Variants in OSBPL5 observed in about 807,000 individuals in gnomAD.
OSBPL5 encodes the protein oxysterol binding protein like 5, also known as oxysterol-binding protein-related protein 5.
In OSBPL5, 71 loss-of-function variants were observed where a neutral mutation model predicts 111.2. The observed-to-expected ratio is 0.64, with a 90% CI of 0.53 to 0.78. The LOEUF is 0.78. Among genes scored for constraint, OSBPL5 ranks in the 30% least tolerant of loss-of-function variants. The pLI, the probability that OSBPL5 is intolerant of heterozygous loss-of-function variation, is 0.00. For missense variants in OSBPL5, 1,210 were observed against 1,189.3 expected, an observed-to-expected ratio of 1.02 and a Z score of -0.26; for synonymous variants, 549 against 513.9, an observed-to-expected ratio of 1.07 and a Z score of -0.93.
rs1298457418 is a variant in OSBPL5 at position 3,121,864 on chromosome 11, A to C, written c.402+133T>G. 2 of 749,788 alleles carry C rather than the reference A, an allele frequency of 2.7e-6. No homozygotes were observed. Among genetic ancestry groups the C allele is most frequent in the African/African-American group, 3.5e-5 (2 of 57,834 alleles). The allele number at this position is 749,788 out of a possible 1,614,324, so 46.4% of individuals were successfully genotyped here. ...GAAAGGCCTCATGAGGAAGGAGCAG[A>C]GGCTGCAGTGATAACGGCTAGATGC... On this transcript the variant is annotated intron_variant, in intron 5 of 21. Transcript: ENST00000263650. The surrounding 1 kb of genome is among the most constrained non-coding windows in gnomAD (Gnocchi z 4.3).
At chr11:3,096,710 T>C (rs181112257) in intron 14 of OSBPL5, among the ~76,000 whole-genome samples, 70 of 152,012 alleles carry the variant, frequency 4.6e-4, no homozygotes, top group African/African-American at 1.6e-3. Context: ...TGACATGACA[T>C]GATATTTGGG....
intron 11 of OSBPL5, 103 bp from the exon 12 acceptor site, chr11:3,102,384 CGCTGCCT>C: frequency 3.8e-6 from 4 of 1,058,498 alleles, no homozygotes; most frequent in Non-Finnish European, 5.7e-6. Context: ...GTGGGCTACC[CGCTGCCT>C]GCTGGCCTGG....
Position 3,093,745 on chromosome 11 carries a change from C to A in OSBPL5, c.1809+1G>T. The A allele has an allele frequency of 6.2e-7, 1 of 1,613,076 alleles. No individual in the cohort carries two copies. Among genetic ancestry groups the A allele is most frequent in the South Asian group, 1.1e-5 (1 of 91,090 alleles). Reference sequence around the variant, plus strand: ...GCCTGCCCTGAGGGACGGCCCCTTACCCAGTGGCCACTGAGGCTCGCCAGG... The same window carrying A: ...GCCTGCCCTGAGGGACGGCCCCTTAACCAGTGGCCACTGAGGCTCGCCAGG... On this transcript the variant is annotated splice_donor_variant, in intron 16 of 21. Coordinates refer to ENST00000263650, the MANE Select transcript of OSBPL5 (RefSeq NM_020896.4). LOFTEE classifies it high-confidence loss of function.
chr11:3,141,294 C>T lies in OSBPL5; in HGVS notation c.-21-12125G>A, dbSNP rs1354191522. ...ACAGCGTCCTTTGACCAAGCGCCTCCTGCTCACCCGGGAACACACCCTCGG... is the reference window on the plus strand; with the variant it reads ...ACAGCGTCCTTTGACCAAGCGCCTCTTGCTCACCCGGGAACACACCCTCGG... On this transcript the variant is annotated intron_variant, in intron 1 of 21. Coordinates refer to ENST00000263650, the MANE Select transcript of OSBPL5 (RefSeq NM_020896.4). This position sits in a 1 kb window ranked among gnomAD's most constrained non-coding sequence, Gnocchi z 6.5. Among the ~76,000 whole-genome samples, 3 of 152,144 alleles carry T rather than the reference C, an allele frequency of 2.0e-5. No individual in the cohort carries two copies. The highest frequency in any genetic ancestry group is 7.2e-5 in the African/African-American group (3 of 41,414).
In OSBPL5 at chr11:3,102,075, G is replaced by A. The variant is rs113054579; in HGVS notation, c.1425+108C>T. On this transcript the variant is annotated intron_variant, in intron 12 of 21. Coordinates refer to ENST00000263650, the MANE Select transcript of OSBPL5 (RefSeq NM_020896.4). Reference sequence around the variant, plus strand: ...CAGGATGTGGGGTCCCCTGGAAGCCGGCCCTCGGGGTCACGCTTGCCCCTG... The same window carrying A: ...CAGGATGTGGGGTCCCCTGGAAGCCAGCCCTCGGGGTCACGCTTGCCCCTG... 1,719 of 1,165,324 alleles carry A rather than the reference G, an allele frequency of 1.5e-3. 11 individuals are homozygous for A. The highest frequency in any genetic ancestry group is 0.014 in the African/African-American group (925 of 65,410). 72.2% of individuals were successfully genotyped at this position (1,165,324 alleles called of 1,614,324 possible). A position where few individuals can be genotyped will look rare whatever the true frequency, so the allele number is the denominator to read the frequency against.
chr11:3,116,652 C>T (rs879540875), intron 7 of OSBPL5, among the ~76,000 whole-genome samples: 1 of 152,132 alleles, frequency 6.6e-6, no homozygotes, highest in African/African-American at 2.4e-5. Context: ...GTCAGGAGTT[C>T]GAGACCAGCC....
At chr11:3,129,290 A>C (rs1858745439) in intron 1 of OSBPL5, 121 bp from the exon 2 acceptor site, 1 of 992,830 alleles carries the variant, frequency 1.0e-6, no homozygotes, top group East Asian at 3.2e-5. Context: ...AGGCAGGGTG[A>C]GGAGGGCCTG....
intron 1 of OSBPL5, among the ~76,000 whole-genome samples, chr11:3,147,002 C>T (rs1010895370): frequency 3.9e-5 from 6 of 152,188 alleles, no homozygotes; most frequent in East Asian, 1.9e-4. Flanking sequence ...ACGCACAGCC[C>T]GCACCTTGTT....
At position 3,143,039 on chromosome 11, in the gene OSBPL5, G is replaced by A. The variant is rs541002654; in HGVS notation, c.-21-13870C>T. On this transcript the variant is annotated intron_variant, in intron 1 of 21. Coordinates refer to ENST00000263650, the MANE Select transcript of OSBPL5 (RefSeq NM_020896.4). Reference sequence around the variant, plus strand: ...GCAGAGGAGGCAGGTGCGGGGGGGGGCAGAGGAGGCAGGTGCGGAGCGGGG... The same window carrying A: ...GCAGAGGAGGCAGGTGCGGGGGGGGACAGAGGAGGCAGGTGCGGAGCGGGG... 3.9e-4 allele frequency among the ~76,000 whole-genome samples: 32 copies of A among 82,414 alleles called. 1 individual carries two copies. Among genetic ancestry groups the A allele is most frequent in the African/African-American group, 1.1e-3 (27 of 24,008 alleles). 54.1% of individuals were successfully genotyped at this position (82,414 alleles called of 152,430 possible). A position where few individuals can be genotyped will look rare whatever the true frequency, so the allele number is the denominator to read the frequency against.
At chr11:3,133,988 G>T (rs57744724) in intron 1 of OSBPL5, among the ~76,000 whole-genome samples, 3 of 151,966 alleles carry the variant, frequency 2.0e-5, no homozygotes, top group Non-Finnish European at 4.4e-5. Flanking sequence ...TTGGTGGGGG[G>T]GGGGTCACTA....
intron 1 of OSBPL5, among the ~76,000 whole-genome samples, chr11:3,158,104 G>T (rs1161267302): frequency 1.3e-5 from 2 of 152,226 alleles, no homozygotes; most frequent in African/African-American, 4.8e-5. Flanking sequence ...TCCAGACGGG[G>T]CCCACATCCT....
Position 3,088,008 on chromosome 11 carries a change from G to A in OSBPL5, c.*197C>T, listed in dbSNP as rs997299933. 2.1e-6 allele frequency: 1 copy of A among 475,274 alleles called. No homozygotes were observed. 29.4% of individuals were successfully genotyped at this position (475,274 alleles called of 1,614,324 possible). ...AGCGCTGGGCGGAAGGCCCTGCAGA[G>A]AGGCCAGTGCCCCTGAGAGGGGCCC... is the stretch of plus-strand genomic sequence containing the variant. On this transcript the variant is annotated 3_prime_UTR_variant, in exon 22 of 22. Transcript: ENST00000263650.
Position 3,154,396 on chromosome 11 carries a change from G to A in OSBPL5, c.-22+10820C>T, listed in dbSNP as rs571577264. ...GTGGCTGACGGCGTGTGGCACAGGC[G>A]GGGTGAGCCCGGAAGGGTGAGCATG... On this transcript the variant is annotated intron_variant, in intron 1 of 21. Coordinates refer to ENST00000263650, the MANE Select transcript of OSBPL5 (RefSeq NM_020896.4). This position sits in a 1 kb window ranked among gnomAD's most constrained non-coding sequence, Gnocchi z 4.9. 4.6e-5 allele frequency among the ~76,000 whole-genome samples: 7 copies of A among 152,352 alleles called. No individual in the cohort carries two copies. Among genetic ancestry groups the A allele is most frequent in the South Asian group, 4.1e-4 (2 of 4,830 alleles).
At chr11:3,116,794 G>A (rs1858224645) in intron 7 of OSBPL5, among the ~76,000 whole-genome samples, 1 of 146,400 alleles carries the variant, frequency 6.8e-6, no homozygotes, top group Non-Finnish European at 1.5e-5. Context: ...GGTGGAGGTT[G>A]CAGTGAGCCG....
At chr11:3,120,979 C>T (rs185870623) in intron 5 of OSBPL5, among the ~76,000 whole-genome samples, 89 of 151,730 alleles carry the variant, frequency 5.9e-4, no homozygotes, top group Middle Eastern at 3.4e-3. Flanking sequence ...GTGAGGGTCA[C>T]GTGGGTCAAG....
At chr11:3,111,971 A>ATGTG (rs1491583019) in intron 7 of OSBPL5, among the ~76,000 whole-genome samples, 1 of 115,422 alleles carries the variant, frequency 8.7e-6, no homozygotes, top group Non-Finnish European at 2.1e-5. Context: ...GTGTGTGTGC[A>ATGTG]TATGTGTGCG....
chr11:3,104,492 A>C lies in OSBPL5; in HGVS notation c.1060-115T>G. 1 of 1,099,750 alleles carries C rather than the reference A, an allele frequency of 9.1e-7. No homozygotes were observed. Among genetic ancestry groups the C allele is most frequent in the Non-Finnish European group, 1.3e-6 (1 of 788,776 alleles). The allele number at this position is 1,099,750 out of a possible 1,614,324, so 68.1% of individuals were successfully genotyped here. On this transcript the variant is annotated intron_variant, in intron 9 of 21. Transcript: ENST00000263650. The surrounding 1 kb of genome is among the most constrained non-coding windows in gnomAD (Gnocchi z 5.0). Reference sequence around the variant, plus strand: ...GTACCTGCCACCCCTTAGGGTGTAAACCCCTGACCTGGCCTCCATGGCCTC... The same window carrying C: ...GTACCTGCCACCCCTTAGGGTGTAACCCCCTGACCTGGCCTCCATGGCCTC...
Position 3,088,332 on chromosome 11 carries a change from G to A in OSBPL5, c.2513C>T (p.Ala838Val). The change falls in exon 22 of 22, where the codon GCC becomes GTC. Residue 838 changes from alanine to valine, a missense_variant. Ala to Val is a moderately conservative substitution (Grantham distance 64). Coordinates refer to ENST00000263650, the MANE Select transcript of OSBPL5 (RefSeq NM_020896.4). ...TGCCCGTGCCGTGGAGCTCAGCATG[G>A]CCGAGAGGTGCCTGCAAGGACAGGC... ...AQQELHRHLS[A>V]MLSSTARAAQ... 6.4e-7 allele frequency: 1 copy of A among 1,571,306 alleles called. No individual in the cohort carries two copies. The highest frequency in any genetic ancestry group is 1.2e-5 in the South Asian group (1 of 86,128).
rs926484613 is a variant in OSBPL5, at chr11:3,094,658, G to T, written c.1622-324C>A. ...TCGCCAGGGCCTTTGCTCATGTCAG[G>T]TGTCGCCTCCTGTTCCAGCCTCCTG... is the stretch of plus-strand genomic sequence containing the variant. On this transcript the variant is annotated intron_variant, in intron 14 of 21. Transcript: ENST00000263650. 3.9e-5 allele frequency: 11 copies of T among 284,212 alleles called. No homozygotes were observed. In the South Asian group the frequency reaches 5.7e-4, roughly 15 times the overall value. The allele number at this position is 284,212 out of a possible 1,614,324, so 17.6% of individuals were successfully genotyped here. A position where few individuals can be genotyped will look rare whatever the true frequency, so the allele number is the denominator to read the frequency against.
Sources: gnomAD v4.1 joint callset for allele counts (sites outside exome capture counted in the v4.1 genomes callset) on GRCh38, gnomAD v4.1.1 for gene constraint, Gnocchi (gnomAD v3.1) non-coding constraint, MANE v1.5 for transcripts, NCBI Gene and HGNC (gene_info 2026-07-23, HGNC 2026-07-21) for gene names.